IER5L: variants seen among roughly 807,000 people sequenced by gnomAD.
IER5L encodes the protein immediate early response gene 5-like protein.
Under a neutral mutation model 28.3 loss-of-function variants are expected in IER5L, and 6 were observed. The ratio of observed to expected loss-of-function variants is 0.21; its 90% CI spans 0.12 to 0.42. The LOEUF (loss-of-function observed/expected upper bound fraction) is 0.42. Ranked by LOEUF, IER5L falls within the 10% of genes least tolerant of loss-of-function variation. The pLI is 1.00. For missense variants in IER5L, 607 were observed against 575.2 expected, an observed-to-expected ratio of 1.06 and a Z score of -0.56; for synonymous variants, 351 against 282.5, an observed-to-expected ratio of 1.24 and a Z score of -2.43.
rs779361444 is a variant in IER5L at position 129,177,773 on chromosome 9, G to A, written c.280C>T (p.Leu94Phe). Residue 94 changes from leucine (L) to phenylalanine (F), a missense_variant, in exon 1 of 1, where the codon CTT becomes TTT. Leu to Phe is a conservative substitution (Grantham distance 22). Coordinates refer to ENST00000372491, the MANE Select transcript of IER5L (RefSeq NM_203434.3). ...ASAADFGPLQLGGGGDAEARE... is the reference protein window; with the variant it reads ...ASAADFGPLQFGGGGDAEARE... ...GCCTCCGCGTCCCCGCCGCCGCCAA[G>A]TTGGAGCGGGCCGAAGTCGGCCGCG... 3 of 1,469,554 alleles carry A rather than the reference G, an allele frequency of 2.0e-6. No individual in the cohort carries two copies. Among genetic ancestry groups the A allele is most frequent in the South Asian group, 2.6e-5 (2 of 76,108 alleles). The allele number at this position is 1,469,554 out of a possible 1,614,324, so 91.0% of individuals were successfully genotyped here. A position where few individuals can be genotyped will look rare whatever the true frequency, so the allele number is the denominator to read the frequency against.
chr9:129,177,359 A>C lies in IER5L; in HGVS notation c.694T>G (p.Ser232Ala), dbSNP rs1564218455. 10 of 931,598 alleles carry C rather than the reference A, an allele frequency of 1.1e-5. No homozygotes were observed. The highest frequency in any genetic ancestry group is 1.3e-5 in the Non-Finnish European group (10 of 744,262). The allele number at this position is 931,598 out of a possible 1,614,324, so 57.7% of individuals were successfully genotyped here. Residue 232 changes from serine (S) to alanine (A), a missense_variant, in exon 1 of 1, where the codon TCC becomes GCC. Physicochemically the swap from Ser to Ala is moderately conservative, Grantham distance 99 (BLOSUM62 1). Transcript: ENST00000372491. The stretch of plus-strand genomic sequence containing the variant: ...TATGCGCCCCGGTAGAAGCCGGGGG[A>C]GGAGGCGGGGGCCGGGGAGGCGGGC... ...SPPASPAPASSPGFYRGAYPT... is the reference protein window; with the variant it reads ...SPPASPAPASAPGFYRGAYPT...
chr9:129,177,554 C>A lies in IER5L; in HGVS notation c.499G>T (p.Gly167Cys). The change falls in exon 1 of 1, where the codon GGC becomes TGC. Residue 167 changes from glycine (G) to cysteine (C), a missense_variant. Transcript: ENST00000372491. ...AAGGGCTGCCCGCGGTGGGGCGCGC[C>A]GTGCGGCGGCTGGAGCGCGGCGCAC... ...PGCAALQPPH[G>C]APHRGQPLEP... is the part of the protein sequence containing the mutation. The A allele has an allele frequency of 1.0e-6, 1 of 977,522 alleles. No homozygotes were observed. The highest frequency in any genetic ancestry group is 4.6e-5 in the South Asian group (1 of 21,518). 60.6% of individuals were successfully genotyped at this position (977,522 alleles called of 1,614,324 possible). A position where few individuals can be genotyped will look rare whatever the true frequency, so the allele number is the denominator to read the frequency against.
At position 129,177,819 on chromosome 9, in the gene IER5L, C is replaced by A. The variant is rs768447309; in HGVS notation, c.234G>T (p.Ala78=). 23 of 1,515,482 alleles carry A rather than the reference C, an allele frequency of 1.5e-5. No homozygotes were observed. Among genetic ancestry groups the A allele is most frequent in the Non-Finnish European group, 3.5e-6 (4 of 1,134,846 alleles). 93.9% of individuals were successfully genotyped at this position (1,515,482 alleles called of 1,614,324 possible). A position where few individuals can be genotyped will look rare whatever the true frequency, so the allele number is the denominator to read the frequency against. Residue 78 remains alanine, a synonymous_variant, in exon 1 of 1, where the codon GCG becomes GCT. Coordinates refer to ENST00000372491, the MANE Select transcript of IER5L (RefSeq NM_203434.3). ...PHHQHQHLAY[A]APGMPASAAD... ...CCGCGCTGGCCGGCATGCCCGGCGCCGCGTACGCTAGGTGCTGGTGCTGGT... is the reference window on the plus strand; with the variant it reads ...CCGCGCTGGCCGGCATGCCCGGCGCAGCGTACGCTAGGTGCTGGTGCTGGT...
chr9:129,176,801 CCCGCGGGGCCCCGGGTCCCTGTG>C lies in IER5L; in HGVS notation c.*14_*36del. The stretch of plus-strand genomic sequence containing the variant: ...TGCCGAGTCTTTGTCTGGCCCCAGC[CCCGCGGGGCCCCGGGTCCCTGTG>C]CCCTCGGGGGTCCCTAGAAGGCGAC... On this transcript the variant is annotated 3_prime_UTR_variant, in exon 1 of 1. Coordinates refer to ENST00000372491, the MANE Select transcript of IER5L (RefSeq NM_203434.3). 6.7e-7 allele frequency: 1 copy of C among 1,489,640 alleles called. No individual in the cohort carries two copies. Among genetic ancestry groups the C allele is most frequent in the Non-Finnish European group, 8.9e-7 (1 of 1,125,230 alleles). 92.3% of individuals were successfully genotyped at this position (1,489,640 alleles called of 1,614,324 possible).
rs754811249 is a variant in IER5L, at chr9:129,177,117, TTCC to T, written c.933_935del (p.Glu312del). On this transcript the variant is annotated inframe_deletion, in exon 1 of 1. Transcript: ENST00000372491. ...GCCCGCCCGCATCCTCCTCGTCGTC[TTCC>T]TCCTCCTCCTGGCCAGGGTAATACT... 2.1e-5 allele frequency: 31 copies of T among 1,460,582 alleles called. No homozygotes were observed. Among genetic ancestry groups the T allele is most frequent in the Middle Eastern group, 1.8e-4 (1 of 5,498 alleles). 90.5% of individuals were successfully genotyped at this position (1,460,582 alleles called of 1,614,324 possible). A position where few individuals can be genotyped will look rare whatever the true frequency, so the allele number is the denominator to read the frequency against.
Position 129,178,194 on chromosome 9 carries a change from G to C in IER5L, c.-142C>G. 1.5e-6 allele frequency: 1 copy of C among 668,522 alleles called. No homozygotes were observed. 41.4% of individuals were successfully genotyped at this position (668,522 alleles called of 1,614,324 possible). ...CAGAGGTTCGGCTGCGCTCCGAAAGGAGCCGCCACCATGCGCCGCGCGCCA... is the reference window on the plus strand; with the variant it reads ...CAGAGGTTCGGCTGCGCTCCGAAAGCAGCCGCCACCATGCGCCGCGCGCCA... On this transcript the variant is annotated 5_prime_UTR_variant, in exon 1 of 1. Transcript: ENST00000372491.
chr9:129,177,013 G>T lies in IER5L; in HGVS notation c.1040C>A (p.Ser347Tyr), dbSNP rs185133224. The T allele has an allele frequency of 9.1e-4, 1,447 of 1,594,100 alleles. 13 individuals are homozygous for T. Among genetic ancestry groups the T allele is most frequent in the Non-Finnish European group, 9.2e-5 (108 of 1,172,036 alleles). ...ARFEDFCPDS[S>Y]PDASNISNLI... ...GTTTGAGATGTTGGACGCGTCCGGG[G>T]ACGAGTCCGGGCAGAAGTCCTCGAA... The change falls in exon 1 of 1, where the codon TCC becomes TAC. Residue 347 changes from serine (S) to tyrosine (Y), a missense_variant. Ser to Tyr is a moderately radical substitution (Grantham distance 144, BLOSUM62 -2). Coordinates refer to ENST00000372491, the MANE Select transcript of IER5L (RefSeq NM_203434.3).
chr9:129,176,899 A>G lies in IER5L; in HGVS notation c.1154T>C (p.Leu385Pro). 6.2e-7 allele frequency: 1 copy of G among 1,604,946 alleles called. No individual in the cohort carries two copies. ...GCTGGCGAGCGCCTGCTTGGCGCAC[A>G]GCTGCCCGTTGAGCGGCGGCGGCTG... ...SEQPPPLNGQLCAKQALASLG... is the reference protein window; with the variant it reads ...SEQPPPLNGQPCAKQALASLG... The change falls in exon 1 of 1, where the codon CTG becomes CCG. Residue 385 changes from leucine (L) to proline (P), a missense_variant. By Grantham distance (98) the Leu-to-Pro change is moderately conservative. Coordinates refer to ENST00000372491, the MANE Select transcript of IER5L (RefSeq NM_203434.3).
In IER5L at chr9:129,177,019, T is replaced by C. The variant is rs1829413453; in HGVS notation, c.1034A>G (p.Asp345Gly). ...KRARFEDFCP[D>G]SSPDASNISN... is the part of the protein sequence containing the mutation. ...GATGTTGGACGCGTCCGGGGACGAG[T>C]CCGGGCAGAAGTCCTCGAAGCGGGC... The change falls in exon 1 of 1, where the codon GAC (aspartate) becomes GGC (glycine). Residue 345 changes from aspartate (D) to glycine (G), a missense_variant. Asp to Gly is a moderately conservative substitution (Grantham distance 94). Transcript: ENST00000372491. 2 of 1,587,274 alleles carry C rather than the reference T, an allele frequency of 1.3e-6. No individual in the cohort carries two copies. Among genetic ancestry groups the C allele is most frequent in the Non-Finnish European group, 1.7e-6 (2 of 1,168,930 alleles).
In IER5L at chr9:129,178,146, G is replaced by C; in HGVS notation, c.-94C>G. On this transcript the variant is annotated 5_prime_UTR_variant, in exon 1 of 1. Coordinates refer to ENST00000372491, the MANE Select transcript of IER5L (RefSeq NM_203434.3). ...TCCAGCCGGCCGCCGGGGCGCGCCG[G>C]GCAGGGGTAACGGAGTCCGGGTCAG... 5 of 1,147,968 alleles carry C rather than the reference G, an allele frequency of 4.4e-6. No individual in the cohort carries two copies. Among genetic ancestry groups the C allele is most frequent in the Non-Finnish European group, 5.7e-6 (5 of 878,022 alleles). 71.1% of individuals were successfully genotyped at this position (1,147,968 alleles called of 1,614,324 possible). A position where few individuals can be genotyped will look rare whatever the true frequency, so the allele number is the denominator to read the frequency against.
In IER5L at chr9:129,177,499, A is replaced by G. The variant is rs1366885504; in HGVS notation, c.554T>C (p.Leu185Pro). Residue 185 changes from leucine to proline, a missense_variant, in exon 1 of 1, where the codon CTG becomes CCG. Physicochemically the swap from Leu to Pro is moderately conservative, Grantham distance 98. Transcript: ENST00000372491. ...LEPLQPGPAP[L>P]PLPLPPPAPA... is the part of the protein sequence containing the mutation. ...CGCGGGCGGCGGCAGCGGCAGCGGC[A>G]GCGGCGCAGGACCCGGCTGCAGAGG... The G allele has an allele frequency of 2.2e-5, 22 of 989,200 alleles. No individual in the cohort carries two copies. The highest frequency in any genetic ancestry group is 8.8e-5 in the African/African-American group (5 of 56,696). The allele number at this position is 989,200 out of a possible 1,614,324, so 61.3% of individuals were successfully genotyped here. A position where few individuals can be genotyped will look rare whatever the true frequency, so the allele number is the denominator to read the frequency against.
chr9:129,177,846 G>C lies in IER5L; in HGVS notation c.207C>G (p.His69Gln), dbSNP rs2131663182. 1 of 1,539,426 alleles carries C rather than the reference G, an allele frequency of 6.5e-7. No individual in the cohort carries two copies. The highest frequency in any genetic ancestry group is 2.5e-5 in the East Asian group (1 of 39,548). The change falls in exon 1 of 1, where the codon CAC becomes CAG. Residue 69 changes from histidine to glutamine, a missense_variant. Physicochemically the swap from His to Gln is conservative, Grantham distance 24. Coordinates refer to ENST00000372491, the MANE Select transcript of IER5L (RefSeq NM_203434.3). ...CGTACGCTAGGTGCTGGTGCTGGTG[G>C]TGGGGCGGCTGCTGCTGTTGCTGCT... is the stretch of plus-strand genomic sequence containing the variant. ...QQQQQQQQPP[H>Q]HQHQHLAYAA...
Position 129,177,929 on chromosome 9 carries a change from T to C in IER5L, c.124A>G (p.Asn42Asp). 1 of 1,571,762 alleles carries C rather than the reference T, an allele frequency of 6.4e-7. No individual in the cohort carries two copies. Among genetic ancestry groups the C allele is most frequent in the Non-Finnish European group, 8.6e-7 (1 of 1,160,228 alleles). The part of the protein sequence containing the change: ...KNLLVSYVLR[N>D]ARQLYLSERY... The stretch of plus-strand genomic sequence containing the variant: ...TCGCTCAGGTAGAGCTGGCGCGCGT[T>C]GCGGAGCACGTAGGACACCAGGAGG... The change falls in exon 1 of 1, where the codon AAC (asparagine) becomes GAC (aspartate). Residue 42 changes from asparagine to aspartate, a missense_variant. Coordinates refer to ENST00000372491, the MANE Select transcript of IER5L (RefSeq NM_203434.3).
In IER5L at chr9:129,175,873, A is replaced by C. The variant is rs1392210244; in HGVS notation, c.*965T>G. ...ACCGAAGGCTGAACCAAGGCAGTGC[A>C]ACTTAGAAGCACACACACAAACACC... On this transcript the variant is annotated 3_prime_UTR_variant, in exon 1 of 1. Transcript: ENST00000372491. The surrounding 1 kb of genome is among the most constrained non-coding windows in gnomAD (Gnocchi z 5.2). 1 of 152,266 alleles carries C rather than the reference A, an allele frequency of 6.6e-6. No homozygotes were observed. The highest frequency in any genetic ancestry group is 1.9e-4 in the East Asian group (1 of 5,200). The allele number at this position is 152,266 out of a possible 1,614,324, so 9.4% of individuals were successfully genotyped here.
At position 129,176,143 on chromosome 9, in the gene IER5L, G is replaced by A. The variant is rs1484967937; in HGVS notation, c.*695C>T. 1 of 151,742 alleles carries A rather than the reference G, an allele frequency of 6.6e-6. No homozygotes were observed. Among genetic ancestry groups the A allele is most frequent in the African/African-American group, 2.4e-5 (1 of 41,288 alleles). The allele number at this position is 151,742 out of a possible 1,614,324, so 9.4% of individuals were successfully genotyped here. A position where few individuals can be genotyped will look rare whatever the true frequency, so the allele number is the denominator to read the frequency against. On this transcript the variant is annotated 3_prime_UTR_variant, in exon 1 of 1. Transcript: ENST00000372491. ...AGTCCGGGAGACGGGTGGAGGAGGG[G>A]AGGAGAACGGAGCCAGAGGGGCGGG...
chr9:129,178,216 G>C lies in IER5L; in HGVS notation c.-164C>G. On this transcript the variant is annotated 5_prime_UTR_variant, in exon 1 of 1. Transcript: ENST00000372491. ...AAGGAGCCGCCACCATGCGCCGCGC[G>C]CCACCCGCGGGCTCGCGCTCCCCAG... 1 of 531,830 alleles carries C rather than the reference G, an allele frequency of 1.9e-6. No homozygotes were observed. The highest frequency in any genetic ancestry group is 2.9e-6 in the Non-Finnish European group (1 of 339,280). The allele number at this position is 531,830 out of a possible 1,614,324, so 32.9% of individuals were successfully genotyped here.
In IER5L at chr9:129,178,259, A is replaced by C. The variant is rs1474599337; in HGVS notation, c.-207T>G. The C allele has an allele frequency of 4.7e-6, 2 of 424,616 alleles. No individual in the cohort carries two copies. Among genetic ancestry groups the C allele is most frequent in the Non-Finnish European group, 8.2e-6 (2 of 245,006 alleles). The allele number at this position is 424,616 out of a possible 1,614,324, so 26.3% of individuals were successfully genotyped here. On this transcript the variant is annotated 5_prime_UTR_variant, in exon 1 of 1. Transcript: ENST00000372491. Reference sequence around the variant, plus strand: ...CTCCCCAGACGGCGCCAAAGCAATGAGTCTCGGCCGGCCCCGGCCCCAGCT... The same window carrying C: ...CTCCCCAGACGGCGCCAAAGCAATGCGTCTCGGCCGGCCCCGGCCCCAGCT...
chr9:129,176,215 A>T lies in IER5L; in HGVS notation c.*623T>A, dbSNP rs1829393227. On this transcript the variant is annotated 3_prime_UTR_variant, in exon 1 of 1. Transcript: ENST00000372491. ...CCGCCCCGGGAAGAAAAGAAAAAAA[A>T]AGTTGAAGTGTTTTCATTTCTGCCT... The T allele has an allele frequency of 6.6e-6, 1 of 152,118 alleles. No individual in the cohort carries two copies. Among genetic ancestry groups the T allele is most frequent in the Non-Finnish European group, 1.5e-5 (1 of 68,020 alleles). The allele number at this position is 152,118 out of a possible 1,614,324, so 9.4% of individuals were successfully genotyped here. A position where few individuals can be genotyped will look rare whatever the true frequency, so the allele number is the denominator to read the frequency against.
Position 129,178,023 on chromosome 9 carries a change from C to G in IER5L, c.30G>C (p.Leu10=), listed in dbSNP as rs371331121. The part of the protein sequence containing the change: MECALDAQS[L]ISISLRKIHS... ...GGATCTTGCGCAGGGAGATGCTGAT[C>G]AGGCTCTGGGCGTCCAGGGCGCACT... Residue 10 remains leucine, a synonymous_variant, in exon 1 of 1, where the codon CTG becomes CTC. Transcript: ENST00000372491. 5.1e-5 allele frequency: 80 copies of G among 1,555,322 alleles called. No homozygotes were observed. The highest frequency in any genetic ancestry group is 6.9e-5 in the Non-Finnish European group (79 of 1,151,486).
Sources: allele counts gnomAD v4.1 joint callset, GRCh38; gene constraint gnomAD v4.1.1; non-coding constraint Gnocchi (gnomAD v3.1); transcripts MANE v1.5; gene names NCBI Gene and HGNC (gene_info 2026-07-23, HGNC 2026-07-21).